The following ELP3 variants were observed in gnomAD, a reference collection of about 807,000 sequenced individuals.
ELP3 encodes elongator acetyltransferase complex subunit 3.
Under a neutral mutation model 74.9 loss-of-function variants are expected in ELP3, and 56 were observed. The observed-to-expected ratio is 0.75, with a 90% confidence interval of 0.60 to 0.93. ELP3 has a LOEUF of 0.93. ELP3 is among the 40% of genes least tolerant of loss of function. ELP3 has a pLI of 0.00. For missense variants in ELP3, 573 were observed against 686.5 expected (o/e 0.83, Z 1.85); for synonymous variants, 222 against 239.8 (o/e 0.93, Z 0.68).
chr8:28,179,522 G>A (rs1814912637), intron 14 of ELP3, among the ~76,000 whole-genome samples: 1 of 152,120 alleles, frequency 6.6e-6, no homozygotes, highest in Non-Finnish European at 1.5e-5. Flanking sequence ...AGGGGGTTGG[G>A]GTGATGGTTT....
At chr8:28,106,620 G>A (rs1055302666) in intron 3 of ELP3, 93 bp from the exon 4 acceptor site, 24 of 914,796 alleles carry the variant, frequency 2.6e-5, no homozygotes, top group Middle Eastern at 2.6e-4. Context: ...CTCTCTGGTT[G>A]CATTCCTCTC....
chr8:28,105,638 C>T lies in ELP3; in HGVS notation c.259-1075C>T, dbSNP rs144085945. ...ATAACATGCACACATACATGTAACACATTTCCATTTGTATTTATTTATCAG... is the reference window on the plus strand; with the variant it reads ...ATAACATGCACACATACATGTAACATATTTCCATTTGTATTTATTTATCAG... On this transcript the variant is annotated intron_variant, in intron 3 of 14. Coordinates refer to ENST00000256398, the MANE Select transcript of ELP3 (RefSeq NM_018091.6). Among the ~76,000 whole-genome samples, 18 of 152,300 alleles carry T rather than the reference C, an allele frequency of 1.2e-4. No homozygotes were observed. In the East Asian group the frequency reaches 3.5e-3, roughly 29 times the overall value.
At chr8:28,093,449 C>G (rs1260342048) in intron 1 of ELP3, 2 of 617,038 alleles carry the variant, frequency 3.2e-6, no homozygotes, top group African/African-American at 3.7e-5. Flanking sequence ...TCCTCTTTGG[C>G]AGTCACGTGG....
chr8:28,102,180 C>G (rs1458998347), intron 3 of ELP3, among the ~76,000 whole-genome samples: 2 of 152,178 alleles, frequency 1.3e-5, no homozygotes, highest in African/African-American at 4.8e-5. Flanking sequence ...CCAGCATGAA[C>G]CATTCCCTGA....
upstream of ELP3, among the ~76,000 whole-genome samples, chr8:28,090,645 C>A (rs906518887): frequency 6.6e-6 from 1 of 152,074 alleles, no homozygotes; most frequent in African/African-American, 2.4e-5. Flanking sequence ...TCTCCCCTCA[C>A]GCATATCCCA....
At chr8:28,099,013 AACATGAAAGGACTGTGCCTTGC>A (rs1312162761) in intron 2 of ELP3, among the ~76,000 whole-genome samples, 9 of 152,258 alleles carry the variant, frequency 5.9e-5, no homozygotes, top group Non-Finnish European at 1.3e-4. Flanking sequence ...GTAAACATAG[AACATGAAAGGACTGTGCCTTGC>A]ACATTTGAAC....
chr8:28,114,203 G>A (rs1040074451), intron 7 of ELP3, among the ~76,000 whole-genome samples: 10 of 151,450 alleles, frequency 6.6e-5, no homozygotes, highest in African/African-American at 2.2e-4. Context: ...GAGACCGGAA[G>A]TACAAGGAGG....
upstream of ELP3, chr8:28,093,049 G>A: frequency 2.6e-6 from 3 of 1,139,514 alleles, no homozygotes; most frequent in South Asian, 2.6e-5. Flanking sequence ...GTTGCAACAC[G>A]GGGCGGGGCG....
At chr8:28,144,005 T>C (rs528514055) in intron 10 of ELP3, among the ~76,000 whole-genome samples, 75 of 152,346 alleles carry the variant, frequency 4.9e-4, no homozygotes, top group Non-Finnish European at 9.8e-4. Context: ...TTTTATTTAA[T>C]TAAGGGTATT....
At chr8:28,160,526 G>A in intron 13 of ELP3, 70 bp downstream of exon 13, 2 of 1,367,960 alleles carry the variant, frequency 1.5e-6, no homozygotes, top group South Asian at 1.3e-5. Context: ...AAGGAATGGG[G>A]TGAAGAGAAG....
At chr8:28,100,103 C>T in intron 3 of ELP3, 137 bp downstream of exon 3, 2 of 1,088,772 alleles carry the variant, frequency 1.8e-6, no homozygotes, top group Non-Finnish European at 2.7e-6. Context: ...AGGATATGTG[C>T]TGGAGTGGAG....
intron 9 of ELP3, 125 bp from the exon 10 acceptor site, chr8:28,137,573 G>A: frequency 2.3e-6 from 2 of 853,378 alleles, no homozygotes; most frequent in Non-Finnish European, 3.7e-6. Context: ...GCCCTACCTG[G>A]TCAGAAGCAA....
At chr8:28,182,532 G>A (rs1438918873) in intron 14 of ELP3, among the ~76,000 whole-genome samples, 1 of 152,184 alleles carries the variant, frequency 6.6e-6, no homozygotes, top group African/African-American at 2.4e-5. Context: ...TTGCACTCCA[G>A]CCTGGGTGAC....
At chr8:28,139,864 GA>G (rs1813158244) in intron 10 of ELP3, among the ~76,000 whole-genome samples, 1 of 152,174 alleles carries the variant, frequency 6.6e-6, no homozygotes, top group Non-Finnish European at 1.5e-5. Context: ...AGAATCACTT[GA>G]ACCTGGGAGG....
intron 10 of ELP3, among the ~76,000 whole-genome samples, chr8:28,138,923 G>C (rs3757894): frequency 0.17 from 26,295 of 152,128 alleles, 2,562 homozygotes; most frequent in East Asian, 0.32. Flanking sequence ...AAAATCAACT[G>C]TTGAAATTGC....
intron 5 of ELP3, among the ~76,000 whole-genome samples, chr8:28,109,958 G>A (rs924597685): frequency 6.6e-6 from 1 of 152,028 alleles, no homozygotes; most frequent in East Asian, 1.9e-4. Flanking sequence ...ACATTGTTTC[G>A]TGGCTGTAGA....
chr8:28,094,788 C>T (rs1227021886), intron 1 of ELP3, among the ~76,000 whole-genome samples: 1 of 152,098 alleles, frequency 6.6e-6, no homozygotes, highest in Non-Finnish European at 1.5e-5. Context: ...TTTCCGTTAC[C>T]ACACAGCCAG....
chr8:28,158,658 G>A (rs111680228), intron 12 of ELP3, 25 bp downstream of exon 12: 1 of 1,592,146 alleles, frequency 6.3e-7, no homozygotes, highest in Middle Eastern at 1.7e-4. Flanking sequence ...GTCATAGAGG[G>A]CCTAGGTACT....
rs56901616 is a variant in ELP3, at chr8:28,175,810, CT to C, written c.1567+13753del. Among the ~76,000 whole-genome samples the C allele has an allele frequency of 2.2e-3, 176 of 78,224 alleles. 1 individual carries two copies. Among genetic ancestry groups the C allele is most frequent in the East Asian group, 0.012 (30 of 2,526 alleles). 51.3% of individuals were successfully genotyped at this position (78,224 alleles called of 152,430 possible). Reference sequence around the variant, plus strand: ...CTGTAATCATGCATTTGTCTAGTGACTTTTTTTTTTTTTTTTTTTTTGGGGA... The same window carrying C: ...CTGTAATCATGCATTTGTCTAGTGACTTTTTTTTTTTTTTTTTTTTGGGGA... On this transcript the variant is annotated intron_variant, in intron 14 of 14. Transcript: ENST00000256398.
Sources: allele counts gnomAD v4.1 joint callset (sites outside exome capture counted in the v4.1 genomes callset), GRCh38; gene constraint gnomAD v4.1.1; transcripts MANE v1.5; gene names NCBI Gene and HGNC (gene_info 2026-07-23, HGNC 2026-07-21).